The following UGGT2 variants were observed in gnomAD, a reference collection of about 807,000 sequenced individuals.
UGGT2 encodes UDP-glucose glycoprotein glucosyltransferase 2.
UGGT2 carries 180 observed loss-of-function variants against 192.1 expected under a neutral mutation model. The observed-to-expected ratio is 0.94, with a 90% CI of 0.83 to 1.06. UGGT2 has a LOEUF of 1.06. UGGT2 is among the 50% of genes least tolerant of loss of function. The pLI is 0.00. For missense variants in UGGT2, 1,849 were observed against 1,795.7 expected (o/e 1.03, Z -0.54); for synonymous variants, 580 against 591.0 (o/e 0.98, Z 0.27).
intron 36 of UGGT2, among the ~76,000 whole-genome samples, chr13:95,848,065 G>A (rs558491210): frequency 6.6e-6 from 1 of 152,302 alleles, no homozygotes. Context: ...ATGATGTGGA[G>A]CATCTGCTCA....
At position 95,920,651 on chromosome 13, in the gene UGGT2, C is replaced by T. The variant is rs7336464; in HGVS notation, c.2295+5029G>A. Among the ~76,000 whole-genome samples, 484 of 152,246 alleles carry T rather than the reference C, an allele frequency of 3.2e-3. 3 individuals are homozygous for T. The highest frequency in any genetic ancestry group is 0.011 in the African/African-American group (460 of 41,546). Reference sequence around the variant, plus strand: ...AAAACCACAATGAGATAACATCTCACGCCAGTCAGAATGGCCATTACTAAA... The same window carrying T: ...AAAACCACAATGAGATAACATCTCATGCCAGTCAGAATGGCCATTACTAAA... On this transcript the variant is annotated intron_variant, in intron 20 of 38. Coordinates refer to ENST00000376747, the MANE Select transcript of UGGT2 (RefSeq NM_020121.4).
chr13:95,885,981 G>A (rs2047634874), intron 26 of UGGT2, among the ~76,000 whole-genome samples: 1 of 151,928 alleles, frequency 6.6e-6, no homozygotes, highest in African/African-American at 2.4e-5. Flanking sequence ...GAAAGTTAAG[G>A]GAGCAACTTT....
chr13:95,951,224 T>C lies in UGGT2; in HGVS notation c.1336-1770A>G, dbSNP rs570441684. Among the ~76,000 whole-genome samples, 3 of 151,978 alleles carry C rather than the reference T, an allele frequency of 2.0e-5. No homozygotes were observed. The South Asian group carries it at 6.2e-4, about 32-fold the overall frequency. ...GCATGAAGACAAATCAATAAACAGA[T>C]AAAAATTACAAAAAGAACCAAATAA... On this transcript the variant is annotated intron_variant, in intron 12 of 38. Coordinates refer to ENST00000376747, the MANE Select transcript of UGGT2 (RefSeq NM_020121.4).
chr13:95,901,049 T>G (rs145086614), intron 21 of UGGT2, 111 bp from the exon 22 acceptor site: 2 of 797,738 alleles, frequency 2.5e-6, no homozygotes, highest in Admixed American at 4.2e-5. Context: ...ACTTTCAAAA[T>G]CATTATTTGG....
chr13:96,044,226 T>C (rs1031787411), intron 1 of UGGT2, among the ~76,000 whole-genome samples: 1 of 152,092 alleles, frequency 6.6e-6, no homozygotes, highest in Non-Finnish European at 1.5e-5. Context: ...TTCAAAACCA[T>C]GCAAATACAT....
chr13:95,882,009 A>G (rs1482512988), intron 27 of UGGT2, among the ~76,000 whole-genome samples: 1 of 152,026 alleles, frequency 6.6e-6, no homozygotes, highest in Non-Finnish European at 1.5e-5. Flanking sequence ...CCCGGATTCA[A>G]GCAATTCTCC....
At chr13:96,019,038 T>C (rs918320236) in intron 4 of UGGT2, among the ~76,000 whole-genome samples, 1 of 134,360 alleles carries the variant, frequency 7.4e-6, no homozygotes, top group African/African-American at 2.8e-5. Flanking sequence ...CATTGACCAA[T>C]ATTGATAAGA....
intron 8 of UGGT2, 123 bp from the exon 9 acceptor site, chr13:95,986,555 C>G: frequency 1.8e-6 from 1 of 571,124 alleles, no homozygotes; most frequent in Non-Finnish European, 2.9e-6. Context: ...CATGTTAATA[C>G]TGTTACATCT....
At chr13:95,880,831 CTTAA>C (rs967981205) in intron 27 of UGGT2, among the ~76,000 whole-genome samples, 2 of 151,898 alleles carry the variant, frequency 1.3e-5, no homozygotes, top group Non-Finnish European at 1.5e-5. Context: ...CTCTACTGTG[CTTAA>C]TTAATTTATG....
chr13:95,897,222 G>C (rs1325247109), intron 22 of UGGT2, among the ~76,000 whole-genome samples: 2 of 151,840 alleles, frequency 1.3e-5, no homozygotes, highest in African/African-American at 4.8e-5. Context: ...CATTCTCATT[G>C]TCCAAATGAA....
chr13:95,917,868 A>G (rs1192361096), intron 20 of UGGT2, among the ~76,000 whole-genome samples: 1 of 152,242 alleles, frequency 6.6e-6, no homozygotes, highest in Non-Finnish European at 1.5e-5. Context: ...CCAATACAGA[A>G]GCACCCAGAT....
At chr13:96,031,807 C>T in intron 2 of UGGT2, 82 bp downstream of exon 2, 3 of 1,039,226 alleles carry the variant, frequency 2.9e-6, no homozygotes, top group Non-Finnish European at 4.2e-6. Flanking sequence ...CACACTTAAC[C>T]ATTACCATTA....
chr13:95,857,522 G>C (rs1889732862), intron 33 of UGGT2, among the ~76,000 whole-genome samples: 1 of 152,104 alleles, frequency 6.6e-6, no homozygotes, highest in African/African-American at 2.4e-5. Context: ...TATAATTTTA[G>C]CAAATATTTG....
At chr13:95,853,993 G>A (rs1471377632) in intron 35 of UGGT2, among the ~76,000 whole-genome samples, 1 of 152,090 alleles carries the variant, frequency 6.6e-6, no homozygotes, top group Non-Finnish European at 1.5e-5. Flanking sequence ...GAGTAGTTAG[G>A]AGCCATATTA....
intron 12 of UGGT2, among the ~76,000 whole-genome samples, chr13:95,956,666 C>A (rs1045888116): frequency 1.3e-5 from 2 of 152,170 alleles, no homozygotes; most frequent in Admixed American, 6.5e-5. Context: ...ATGCCAAAAC[C>A]AGAAAATAAC....
chr13:95,877,898 C>T (rs1216657317), intron 27 of UGGT2, 42 bp from the exon 28 acceptor site: 5 of 1,545,446 alleles, frequency 3.2e-6, no homozygotes, highest in African/African-American at 1.4e-5. Flanking sequence ...TTATGTAAAA[C>T]TCATAATACA....
At chr13:95,921,221 T>C (rs1304192698) in intron 20 of UGGT2, among the ~76,000 whole-genome samples, 3 of 151,778 alleles carry the variant, frequency 2.0e-5, no homozygotes, top group East Asian at 3.9e-4. Flanking sequence ...AGGGAGAGCA[T>C]CAGGAAGAAT....
At chr13:96,044,765 C>T (rs2139215921) in intron 1 of UGGT2, among the ~76,000 whole-genome samples, 1 of 152,202 alleles carries the variant, frequency 6.6e-6, no homozygotes, top group Non-Finnish European at 1.5e-5. Flanking sequence ...GGATAAATTC[C>T]TGGAAAGATA....
Position 95,996,069 on chromosome 13 carries a change from T to C in UGGT2, c.824A>G (p.Lys275Arg). ...CATTTCCATTCAGACTTACTTTAGTTTCCCAAAGAGAAATCCTTGAACTTC... is the reference window on the plus strand; with the variant it reads ...CATTTCCATTCAGACTTACTTTAGTCTCCCAAAGAGAAATCCTTGAACTTC... Reference protein sequence around the residue: ...TNEVQGFLFGKLKEIYSDLRD... With the variant: ...TNEVQGFLFGRLKEIYSDLRD... Residue 275 changes from lysine to arginine, a missense_variant, in exon 7 of 39, where the codon AAA (lysine) becomes AGA (arginine). Physicochemically the swap from Lys to Arg is conservative, Grantham distance 26. Transcript: ENST00000376747. 6.2e-7 allele frequency: 1 copy of C among 1,613,250 alleles called. No homozygotes were observed. The highest frequency in any genetic ancestry group is 8.5e-7 in the Non-Finnish European group (1 of 1,179,380).
Sources: gnomAD v4.1 joint callset for allele counts (sites outside exome capture counted in the v4.1 genomes callset) on GRCh38, gnomAD v4.1.1 for gene constraint, MANE v1.5 for transcripts, NCBI Gene and HGNC (gene_info 2026-07-23, HGNC 2026-07-21) for gene names.